Variants in DCDC2C observed in about 807,000 individuals in gnomAD.
DCDC2C encodes doublecortin domain-containing protein 2C.
In DCDC2C, 44 loss-of-function variants were observed where a neutral mutation model predicts 45.0. The ratio of observed to expected loss-of-function variants is 0.98; its 90% CI spans 0.77 to 1.26. The LOEUF (loss-of-function observed/expected upper bound fraction) is 1.26. DCDC2C is among the 50% of genes most tolerant of loss of function. The probability of loss-of-function intolerance (pLI) is 0.00; values close to 1 mark genes in which losing one functional copy is unlikely to be tolerated. For synonymous variants in DCDC2C, 187 were observed against 178.8 expected (o/e 1.05, Z -0.37); for missense variants, 447 against 468.9 (o/e 0.95, Z 0.43).
intron 10 of DCDC2C, among the ~76,000 whole-genome samples, chr2:3,791,985 A>C (rs1670824544): frequency 8.4e-6 from 1 of 118,890 alleles, no homozygotes; most frequent in Admixed American, 8.3e-5. Flanking sequence ...TTCATTTATT[A>C]GTTCATTTTT....
chr2:3,757,258 A>G (rs911090247), intron 6 of DCDC2C, among the ~76,000 whole-genome samples: 2 of 152,134 alleles, frequency 1.3e-5, no homozygotes, highest in African/African-American at 2.4e-5. Flanking sequence ...TCTATTTTCT[A>G]TGTGAATTGC....
At chr2:3,772,389 T>G (rs1325572073) in intron 8 of DCDC2C, among the ~76,000 whole-genome samples, 1 of 152,208 alleles carries the variant, frequency 6.6e-6, no homozygotes, top group African/African-American at 2.4e-5. Context: ...CATATGATCT[T>G]TACGATTTGT....
intron 2 of DCDC2C, among the ~76,000 whole-genome samples, chr2:3,720,480 G>A (rs1668469733): frequency 6.6e-6 from 1 of 152,146 alleles, no homozygotes; most frequent in Non-Finnish European, 1.5e-5. Flanking sequence ...TTGTTCTGAT[G>A]CCAAGATGAG....
intron 10 of DCDC2C, among the ~76,000 whole-genome samples, chr2:3,793,287 C>T (rs1227715266): frequency 1.3e-5 from 2 of 152,214 alleles, no homozygotes; most frequent in African/African-American, 4.8e-5. Flanking sequence ...GCACAGATTG[C>T]ATATGAACTT....
In DCDC2C at chr2:3,704,033, G is replaced by C. The variant is rs1667955591; in HGVS notation, c.282G>C (p.Glu94Asp). The change falls in exon 1 of 11, where the codon GAG becomes GAC. Residue 94 changes from glutamate (E) to aspartate (D), a missense_variant. Physicochemically the swap from Glu to Asp is conservative, Grantham distance 45. Coordinates refer to ENST00000399143, the MANE Select transcript of DCDC2C (RefSeq NM_001287444.2). ...YVAAGRERFK[E>D]LDYIHIVPRK... Reference sequence around the variant, plus strand: ...CGGCGGGCCGCGAGCGCTTCAAGGAGCTCGAGTAAGTGCGCCCGCGCCCCC... The same window carrying C: ...CGGCGGGCCGCGAGCGCTTCAAGGACCTCGAGTAAGTGCGCCCGCGCCCCC... The C allele has an allele frequency of 7.1e-6, 9 of 1,265,126 alleles. No homozygotes were observed. The East Asian group carries it at 2.5e-4, about 36-fold the overall frequency. The allele number at this position is 1,265,126 out of a possible 1,614,324, so 78.4% of individuals were successfully genotyped here. A position where few individuals can be genotyped will look rare whatever the true frequency, so the allele number is the denominator to read the frequency against.
chr2:3,780,411 C>G (rs1670478325), intron 9 of DCDC2C, among the ~76,000 whole-genome samples: 1 of 152,182 alleles, frequency 6.6e-6, no homozygotes, highest in African/African-American at 2.4e-5. Context: ...GAAATCTACT[C>G]AGGCTGCTGG....
At chr2:3,737,535 C>G (rs1166358263) in intron 3 of DCDC2C, among the ~76,000 whole-genome samples, 1 of 152,132 alleles carries the variant, frequency 6.6e-6, no homozygotes, top group Non-Finnish European at 1.5e-5. Context: ...TGCCTTCTAC[C>G]TTGCTTTTCA....
chr2:3,711,898 C>T (rs1351615185), intron 2 of DCDC2C, among the ~76,000 whole-genome samples: 1 of 152,226 alleles, frequency 6.6e-6, no homozygotes, highest in Non-Finnish European at 1.5e-5. Flanking sequence ...ACACCACCCT[C>T]TGGGGTCGTG....
intron 10 of DCDC2C, among the ~76,000 whole-genome samples, chr2:3,841,546 TA>T (rs1207652373): frequency 1.3e-5 from 2 of 151,686 alleles, no homozygotes; most frequent in African/African-American, 4.9e-5. Flanking sequence ...ATTCATTATT[TA>T]TTTTTTATTC....
chr2:3,703,996 G>T lies in DCDC2C; in HGVS notation c.245G>T (p.Gly82Val). ...GGGCTGGACGCGCTGCAGGCGGGCG[G>T]CAAGTACGTGGCGGCGGGCCGCGAG... ...VLGLDALQAG[G>V]KYVAAGRERF... is the part of the protein sequence containing the mutation. Residue 82 changes from glycine (G) to valine (V), a missense_variant, in exon 1 of 11, where the codon GGC becomes GTC. Coordinates refer to ENST00000399143, the MANE Select transcript of DCDC2C (RefSeq NM_001287444.2). The surrounding 1 kb of genome is among the most constrained non-coding windows in gnomAD (Gnocchi z 4.4). 1.5e-6 allele frequency: 2 copies of T among 1,291,704 alleles called. No homozygotes were observed. Among genetic ancestry groups the T allele is most frequent in the Non-Finnish European group, 2.0e-6 (2 of 1,019,200 alleles). 80.0% of individuals were successfully genotyped at this position (1,291,704 alleles called of 1,614,324 possible). A position where few individuals can be genotyped will look rare whatever the true frequency, so the allele number is the denominator to read the frequency against.
intron 4 of DCDC2C, among the ~76,000 whole-genome samples, chr2:3,749,401 G>A (rs567613380): frequency 2.0e-5 from 3 of 152,256 alleles, no homozygotes; most frequent in African/African-American, 4.8e-5. Context: ...AAAAGCCGCC[G>A]TTCTCCGTAT....
chr2:3,774,451 C>A (rs1670273713), intron 8 of DCDC2C, among the ~76,000 whole-genome samples: 1 of 152,336 alleles, frequency 6.6e-6, no homozygotes, highest in South Asian at 2.1e-4. Flanking sequence ...TCTTCCACTG[C>A]CTCCCTCCAA....
intron 1 of DCDC2C, among the ~76,000 whole-genome samples, chr2:3,707,589 C>T (rs1668098696): frequency 6.6e-6 from 1 of 152,140 alleles, no homozygotes; most frequent in Non-Finnish European, 1.5e-5. Context: ...AACTTTTGGT[C>T]TCCCTTGGAA....
chr2:3,826,005 C>G (rs73129332), intron 10 of DCDC2C, among the ~76,000 whole-genome samples: 8,126 of 152,164 alleles, frequency 0.053, 742 homozygotes, highest in African/African-American at 0.19. Flanking sequence ...TTCAGGAAAA[C>G]AATTCACGAG....
chr2:3,715,894 G>T (rs1668339664), intron 2 of DCDC2C, among the ~76,000 whole-genome samples: 1 of 152,192 alleles, frequency 6.6e-6, no homozygotes. Flanking sequence ...GAAATGTCAT[G>T]CTGGGGGCTG....
At chr2:3,812,032 T>C (rs1671410606) in intron 10 of DCDC2C, among the ~76,000 whole-genome samples, 1 of 144,296 alleles carries the variant, frequency 6.9e-6, no homozygotes, top group Admixed American at 6.7e-5. Flanking sequence ...GGTATTGGCC[T>C]GAAGTTTTCT....
At chr2:3,803,200 C>T (rs576850157) in intron 10 of DCDC2C, among the ~76,000 whole-genome samples, 1 of 152,226 alleles carries the variant, frequency 6.6e-6, no homozygotes, top group Non-Finnish European at 1.5e-5. Flanking sequence ...AATCTTTCAC[C>T]TTTAATGGTT....
At chr2:3,741,727 G>A (rs867299353) in intron 3 of DCDC2C, among the ~76,000 whole-genome samples, 193 bp from the exon 4 acceptor site, 4 of 150,312 alleles carry the variant, frequency 2.7e-5, no homozygotes, top group African/African-American at 1.0e-4. Flanking sequence ...ACACACGCGC[G>A]CGTCTGTCAC....
intron 2 of DCDC2C, among the ~76,000 whole-genome samples, chr2:3,716,700 T>A (rs555981846): frequency 6.6e-6 from 1 of 152,294 alleles, no homozygotes; most frequent in South Asian, 2.1e-4. Flanking sequence ...ACTTGAGAAA[T>A]GGCCTTGGGT....
Sources: allele counts gnomAD v4.1 joint callset (sites outside exome capture counted in the v4.1 genomes callset), GRCh38; gene constraint gnomAD v4.1.1; non-coding constraint Gnocchi (gnomAD v3.1); transcripts MANE v1.5; gene names NCBI Gene and HGNC (gene_info 2026-07-23, HGNC 2026-07-21).